FIP1L1: variants seen among roughly 807,000 people sequenced by gnomAD.
The protein encoded by FIP1L1 is factor interacting with PAPOLA and CPSF1, also known as pre-mRNA 3'-end-processing factor FIP1.
In FIP1L1, 21 loss-of-function variants were observed where a neutral mutation model predicts 84.6. The ratio of observed to expected loss-of-function variants is 0.25; its 90% CI spans 0.18 to 0.36. The LOEUF (loss-of-function observed/expected upper bound fraction) is 0.36, where lower values mean the gene tolerates loss of function less well. Ranked by LOEUF, FIP1L1 falls within the 10% of genes least tolerant of loss-of-function variation. FIP1L1 has a pLI of 1.00. For synonymous variants in FIP1L1, 263 were observed against 242.3 expected (o/e 1.09, Z -0.80); for missense variants, 526 against 751.1 (o/e 0.70, Z 3.50).
chr4:53,404,026 ATAC>A (rs1751724658), intron 10 of FIP1L1, among the ~76,000 whole-genome samples: 1 of 142,588 alleles, frequency 7.0e-6, no homozygotes, highest in Non-Finnish European at 1.5e-5. Flanking sequence ...TTTTTTTATT[ATAC>A]TTTAAGTTTT....
rs1333926185 is a variant in FIP1L1, at chr4:53,379,105, G to A, written c.118G>A (p.Ala40Thr). The A allele has an allele frequency of 6.2e-7, 1 of 1,614,096 alleles. No homozygotes were observed. The change falls in exon 2 of 18, where the codon GCA becomes ACA. Residue 40 changes from alanine to threonine, a missense_variant. Around this residue, in one of 6 missense-constraint regions of FIP1L1, gnomAD observed 100 missense variants for 107.2 expected, o/e 0.93. Transcript: ENST00000337488. ...GGACGTGCATGTGCACAGTGATTTG[G>A]CAAAGGACCTAGGTTAGTGCTTGTG... The part of the protein sequence containing the change: ...PWDVHVHSDL[A>T]KDLDENEVER...
At chr4:53,406,559 G>C (rs1394166623) in intron 10 of FIP1L1, among the ~76,000 whole-genome samples, 2 of 152,116 alleles carry the variant, frequency 1.3e-5, no homozygotes, top group Admixed American at 1.3e-4. Context: ...TTTTTCTATT[G>C]ATTGGAATAG....
intron 11 of FIP1L1, among the ~76,000 whole-genome samples, chr4:53,423,336 T>TC (rs1763112214): frequency 6.6e-6 from 1 of 152,170 alleles, no homozygotes; most frequent in African/African-American, 2.4e-5. Flanking sequence ...GCATTAGCTG[T>TC]CTACCTTACT....
intron 9 of FIP1L1, among the ~76,000 whole-genome samples, chr4:53,396,399 A>G (rs1424119367): frequency 3.4e-5 from 4 of 118,064 alleles, no homozygotes; most frequent in Admixed American, 1.9e-4. Flanking sequence ...ATGAACTACA[A>G]TTAGAATCTT....
At chr4:53,406,776 G>A (rs1020271602) in intron 10 of FIP1L1, among the ~76,000 whole-genome samples, 4 of 152,206 alleles carry the variant, frequency 2.6e-5, no homozygotes, top group African/African-American at 9.7e-5. Flanking sequence ...ATGTCTTCTA[G>A]ATTTTCTAGT....
chr4:53,434,008 C>G (rs1167140768), intron 13 of FIP1L1, among the ~76,000 whole-genome samples: 1 of 152,126 alleles, frequency 6.6e-6, no homozygotes, highest in Non-Finnish European at 1.5e-5. Flanking sequence ...TGCATTTCCT[C>G]TAAGTCCTGC....
intron 13 of FIP1L1, among the ~76,000 whole-genome samples, chr4:53,439,837 A>C (rs1771110971): frequency 6.6e-6 from 1 of 152,008 alleles, no homozygotes; most frequent in African/African-American, 2.4e-5. Context: ...TATTTAGTAA[A>C]TACATTTTAC....
chr4:53,405,914 A>G (rs1247451723), intron 10 of FIP1L1, among the ~76,000 whole-genome samples: 2 of 150,998 alleles, frequency 1.3e-5, no homozygotes. Context: ...TTGGGCTGAG[A>G]CAATGGGGTG....
intron 9 of FIP1L1, among the ~76,000 whole-genome samples, chr4:53,391,969 C>CTTTAAG (rs937308343): frequency 1.3e-5 from 2 of 152,140 alleles, no homozygotes; most frequent in African/African-American, 4.8e-5. Context: ...AAATCTTAGG[C>CTTTAAG]ATTCTCTGAG....
chr4:53,398,168 A>T (rs559217995), intron 9 of FIP1L1, among the ~76,000 whole-genome samples: 1 of 152,266 alleles, frequency 6.6e-6, no homozygotes, highest in South Asian at 2.1e-4. Context: ...CATAATAGAT[A>T]TTCAATAAAT....
At chr4:53,450,146 C>T (rs180821903) in intron 15 of FIP1L1, among the ~76,000 whole-genome samples, 3 of 151,900 alleles carry the variant, frequency 2.0e-5, no homozygotes, top group African/African-American at 7.3e-5. Flanking sequence ...AGACTTAGCT[C>T]ATTAATTTTT....
intron 5 of FIP1L1, among the ~76,000 whole-genome samples, chr4:53,384,684 G>A (rs73250959): frequency 1.2e-3 from 187 of 152,286 alleles, no homozygotes; most frequent in Non-Finnish European, 2.2e-3. Context: ...GACTGTCATT[G>A]ACTCATTGAG....
chr4:53,378,096 G>A, intron 1 of FIP1L1, 173 bp downstream of exon 1: 6 of 537,096 alleles, frequency 1.1e-5, no homozygotes, highest in Non-Finnish European at 1.6e-5. Context: ...CCCCGCGGCG[G>A]TCTCCCGCCT....
At chr4:53,454,447 T>C (rs1717843691) in intron 16 of FIP1L1, among the ~76,000 whole-genome samples, 1 of 152,218 alleles carries the variant, frequency 6.6e-6, no homozygotes, top group Non-Finnish European at 1.5e-5. Flanking sequence ...TGTATACATA[T>C]ACCGCAAATT....
At chr4:53,407,063 G>C (rs1753974669) in intron 10 of FIP1L1, among the ~76,000 whole-genome samples, 1 of 152,122 alleles carries the variant, frequency 6.6e-6, no homozygotes, top group Admixed American at 6.5e-5. Context: ...TTTTGAATGT[G>C]TTTGCTCTTG....
chr4:53,423,222 C>T (rs1763070754), intron 11 of FIP1L1, among the ~76,000 whole-genome samples: 1 of 152,140 alleles, frequency 6.6e-6, no homozygotes, highest in Admixed American at 6.5e-5. Flanking sequence ...GGAACATTTA[C>T]TGCCTGTTTA....
chr4:53,454,672 A>G (rs919683022), intron 16 of FIP1L1, among the ~76,000 whole-genome samples: 1 of 152,158 alleles, frequency 6.6e-6, no homozygotes, highest in African/African-American at 2.4e-5. Context: ...TTCTAAGTCG[A>G]TTTACCATAA....
At chr4:53,432,581 T>C (rs1354357675) in intron 13 of FIP1L1, among the ~76,000 whole-genome samples, 1 of 152,162 alleles carries the variant, frequency 6.6e-6, no homozygotes, top group Non-Finnish European at 1.5e-5. Flanking sequence ...ATAATAGATA[T>C]AATAGCTAAT....
At chr4:53,409,383 T>C (rs1268345490) in intron 10 of FIP1L1, among the ~76,000 whole-genome samples, 3 of 152,148 alleles carry the variant, frequency 2.0e-5, no homozygotes, top group African/African-American at 7.2e-5. Flanking sequence ...TACCTGGCCA[T>C]GTGAGGTGTC....
Sources: allele counts gnomAD v4.1 joint callset (sites outside exome capture counted in the v4.1 genomes callset), GRCh38; gene constraint gnomAD v4.1.1; regional missense constraint gnomAD v4.1.1; transcripts MANE v1.5; gene names NCBI Gene and HGNC (gene_info 2026-07-23, HGNC 2026-07-21).